The following DOCK5 variants were observed in gnomAD, a reference collection of about 807,000 sequenced individuals.
DOCK5 encodes the protein dedicator of cytokinesis protein 5.
In DOCK5, 142 loss-of-function variants were observed where a neutral mutation model predicts 251.8. The observed-to-expected ratio is 0.56, with a 90% CI of 0.49 to 0.65. The LOEUF (loss-of-function observed/expected upper bound fraction) is 0.65. DOCK5 is among the 30% of genes least tolerant of loss of function. The pLI is 0.00. For missense variants in DOCK5, 2,111 were observed against 2,312.3 expected, an observed-to-expected ratio of 0.91 and a Z score of 1.79; for synonymous variants, 842 against 835.5, an observed-to-expected ratio of 1.01 and a Z score of -0.13.
intron 45 of DOCK5, among the ~76,000 whole-genome samples, chr8:25,398,911 G>T (rs371990289): frequency 6.6e-6 from 1 of 152,140 alleles, no homozygotes; most frequent in Non-Finnish European, 1.5e-5. Flanking sequence ...ATGTCTGCTC[G>T]CAAGATAGGC....
intron 37 of DOCK5, chr8:25,376,258 C>G: frequency 2.0e-6 from 2 of 985,382 alleles, no homozygotes; most frequent in South Asian, 9.4e-5. Flanking sequence ...ACTCTCCTAT[C>G]CTGGTGTAAG....
chr8:25,333,688 T>G (rs1805734047), intron 20 of DOCK5, among the ~76,000 whole-genome samples: 1 of 152,206 alleles, frequency 6.6e-6, no homozygotes, highest in South Asian at 2.1e-4. Context: ...CAGTTGTTAC[T>G]GGGGGCACTC....
chr8:25,206,013 G>C (rs971321182), intron 1 of DOCK5, among the ~76,000 whole-genome samples: 1 of 152,144 alleles, frequency 6.6e-6, no homozygotes, highest in South Asian at 2.1e-4. Context: ...GAAAAAAGTT[G>C]CAAAAAAAGT....
At chr8:25,263,538 T>G (rs1408760163) in intron 2 of DOCK5, among the ~76,000 whole-genome samples, 2 of 151,858 alleles carry the variant, frequency 1.3e-5, no homozygotes, top group African/African-American at 4.9e-5. Flanking sequence ...TTAATAGATT[T>G]AGCTATTTGA....
In DOCK5 at chr8:25,387,430, T is replaced by G. The variant is rs571618420; in HGVS notation, c.4132-1661T>G. Among the ~76,000 whole-genome samples, 25 of 152,304 alleles carry G rather than the reference T, an allele frequency of 1.6e-4. No homozygotes were observed. The South Asian group carries it at 4.8e-3, about 29-fold the overall frequency. On this transcript the variant is annotated intron_variant, in intron 40 of 51. Transcript: ENST00000276440. The stretch of plus-strand genomic sequence containing the variant: ...ATCTTTGAATCAGCGTCGACTCCCC[T>G]GTCTGCCCTGCCCTTCTCCCGACAC...
At chr8:25,392,161 G>A (rs146240226) in intron 43 of DOCK5, among the ~76,000 whole-genome samples, 181 bp downstream of exon 43, 69 of 152,172 alleles carry the variant, frequency 4.5e-4, no homozygotes, top group Non-Finnish European at 8.5e-4. Flanking sequence ...AAAATTAGCC[G>A]GGCGTGGTGG....
intron 1 of DOCK5, among the ~76,000 whole-genome samples, chr8:25,240,034 C>T (rs796706651): frequency 2.0e-5 from 3 of 152,022 alleles, no homozygotes; most frequent in African/African-American, 7.2e-5. Flanking sequence ...TGGGAAGAGC[C>T]GGGAAGACCC....
intron 38 of DOCK5, among the ~76,000 whole-genome samples, chr8:25,378,093 ACTTGAT>A (rs776021256): frequency 6.6e-6 from 1 of 152,068 alleles, no homozygotes; most frequent in Non-Finnish European, 1.5e-5. Flanking sequence ...TACACAATGA[ACTTGAT>A]CTTTAGCCTT....
intron 25 of DOCK5, among the ~76,000 whole-genome samples, chr8:25,344,965 C>T (rs1039755429): frequency 6.6e-6 from 1 of 152,054 alleles, no homozygotes; most frequent in Non-Finnish European, 1.5e-5. Context: ...ATAGGTCATA[C>T]CTTACTTTCT....
intron 43 of DOCK5, 92 bp downstream of exon 43, chr8:25,392,072 T>C (rs578012427): frequency 2.4e-4 from 284 of 1,191,332 alleles, no homozygotes; most frequent in Non-Finnish European, 3.2e-4. Flanking sequence ...GGGAGGCCGA[T>C]GCGGGCGGAT....
Position 25,289,301 on chromosome 8 carries a change from G to T in DOCK5, c.322-2723G>T, listed in dbSNP as rs1020642998. Among the ~76,000 whole-genome samples the T allele has an allele frequency of 9.4e-5, 14 of 149,564 alleles. No individual in the cohort carries two copies. The South Asian group carries it at 1.1e-3, about 11-fold the overall frequency. On this transcript the variant is annotated intron_variant, in intron 5 of 51. Coordinates refer to ENST00000276440, the MANE Select transcript of DOCK5 (RefSeq NM_024940.8). ...CTGTGTGTGCATTGTTTTTTGGGGGGTTTTTTGTTTGTTTGTTTGTTTGTT... is the reference window on the plus strand; with the variant it reads ...CTGTGTGTGCATTGTTTTTTGGGGGTTTTTTTGTTTGTTTGTTTGTTTGTT...
intron 36 of DOCK5, 64 bp from the exon 37 acceptor site, chr8:25,374,500 A>G: frequency 6.8e-7 from 1 of 1,472,940 alleles, no homozygotes; most frequent in East Asian, 2.3e-5. Context: ...CTGTCTCAAA[A>G]CAGAACTAAA....
At position 25,354,678 on chromosome 8, in the gene DOCK5, C is replaced by T. The variant is rs139224138; in HGVS notation, c.2850+2852C>T. The stretch of plus-strand genomic sequence containing the variant: ...AAATGTACAGACAGACACAGACAGT[C>T]GCGAAGAGAGATGTGGAAAAAGAAA... On this transcript the variant is annotated intron_variant, in intron 27 of 51. Coordinates refer to ENST00000276440, the MANE Select transcript of DOCK5 (RefSeq NM_024940.8). 5.6e-4 allele frequency among the ~76,000 whole-genome samples: 85 copies of T among 152,070 alleles called. 1 individual carries two copies. The East Asian group carries it at 0.015, about 26-fold the overall frequency.
At chr8:25,275,754 C>T (rs980830971) in intron 4 of DOCK5, among the ~76,000 whole-genome samples, 5 of 152,024 alleles carry the variant, frequency 3.3e-5, no homozygotes, top group African/African-American at 4.8e-5. Context: ...GAGAATCACT[C>T]GAGCCCAGGA....
chr8:25,350,574 G>T (rs929998224), intron 26 of DOCK5, among the ~76,000 whole-genome samples: 1 of 152,170 alleles, frequency 6.6e-6, no homozygotes, highest in African/African-American at 2.4e-5. Flanking sequence ...TGCTCAGTCA[G>T]TCTTCTATAA....
At chr8:25,318,490 C>A (rs1319820241) in intron 14 of DOCK5, among the ~76,000 whole-genome samples, 2 of 145,432 alleles carry the variant, frequency 1.4e-5, no homozygotes, top group African/African-American at 2.6e-5. Flanking sequence ...TCCCCTCCCC[C>A]ACTTTTCCTC....
At chr8:25,204,070 T>C in intron 1 of DOCK5, among the ~76,000 whole-genome samples, 1 of 152,234 alleles carries the variant, frequency 6.6e-6, no homozygotes, top group East Asian at 1.9e-4. Context: ...GTTTGTTTGT[T>C]TTTCTTGCAG....
chr8:25,354,461 A>T (rs1800531820), intron 27 of DOCK5, among the ~76,000 whole-genome samples: 1 of 152,088 alleles, frequency 6.6e-6, no homozygotes, highest in South Asian at 2.1e-4. Flanking sequence ...GTTTAAACTC[A>T]CTCAAGGACA....
In DOCK5 at chr8:25,342,471, A is replaced by G. The variant is rs768902055; in HGVS notation, c.2581A>G (p.Thr861Ala). The change falls in exon 25 of 52, where the codon ACC (threonine) becomes GCC (alanine). Residue 861 changes from threonine to alanine, a missense_variant. By Grantham distance (58) the Thr-to-Ala change is moderately conservative. Around this residue, in one of 3 missense-constraint regions of DOCK5, gnomAD observed 1,717 missense variants for 1,892.4 expected, o/e 0.91. Coordinates refer to ENST00000276440, the MANE Select transcript of DOCK5 (RefSeq NM_024940.8). ...GGTTCGGCAGAAACTTAACTGCATG[A>G]CCAAGATAGTAGAGAGCACTCTTTT... Reference protein sequence around the residue: ...QLVRQKLNCMTKIVESTLFRQ... With the variant: ...QLVRQKLNCMAKIVESTLFRQ... 6.3e-7 allele frequency: 1 copy of G among 1,599,236 alleles called. No homozygotes were observed. Among genetic ancestry groups the G allele is most frequent in the Non-Finnish European group, 8.5e-7 (1 of 1,171,828 alleles).
Sources: allele counts gnomAD v4.1 joint callset (sites outside exome capture counted in the v4.1 genomes callset), GRCh38; gene constraint gnomAD v4.1.1; regional missense constraint gnomAD v4.1.1; transcripts MANE v1.5; gene names NCBI Gene and HGNC (gene_info 2026-07-23, HGNC 2026-07-21).